The following KAZN variants were observed in gnomAD, a reference collection of about 807,000 sequenced individuals.
KAZN encodes the protein kazrin.
A neutral mutation model predicts 87.4 loss-of-function variants in KAZN; 40 were observed. That is an observed-to-expected ratio of 0.46 (90% CI 0.36 to 0.60). The LOEUF (loss-of-function observed/expected upper bound fraction) is 0.60, where lower values mean the gene tolerates loss of function less well. KAZN is among the 20% of genes least tolerant of loss of function. The pLI is 0.00. For synonymous variants in KAZN, 466 were observed against 458.3 expected (o/e 1.02, Z -0.22); for missense variants, 898 against 1,073.9 (o/e 0.84, Z 2.29).
At chr1:14,356,173 T>C (rs888897239) in intron 2 of KAZN, among the ~76,000 whole-genome samples, 5 of 152,248 alleles carry the variant, frequency 3.3e-5, no homozygotes, top group Non-Finnish European at 2.9e-5. Flanking sequence ...ATTTCTCTCA[T>C]GACCAGTGAT....
intron 2 of KAZN, among the ~76,000 whole-genome samples, chr1:14,587,279 T>C (rs1316019527): frequency 6.6e-6 from 1 of 151,534 alleles, no homozygotes; most frequent in Non-Finnish European, 1.5e-5. Context: ...CTACTAAAAA[T>C]ACAAAAATCA....
chr1:14,527,648 G>T (rs1671960347), intron 2 of KAZN, among the ~76,000 whole-genome samples: 1 of 152,208 alleles, frequency 6.6e-6, no homozygotes, highest in Admixed American at 6.5e-5. Flanking sequence ...CCTGGTGAGG[G>T]GCTCCAGCTG....
At chr1:13,967,663 GAGT>G (rs1338333421) in intron 1 of KAZN, among the ~76,000 whole-genome samples, 1 of 152,236 alleles carries the variant, frequency 6.6e-6, no homozygotes, top group African/African-American at 2.4e-5. Context: ...GGCTGTGACA[GAGT>G]AGGAGAAGTG....
At chr1:14,249,551 C>T (rs767120628) in intron 2 of KAZN, among the ~76,000 whole-genome samples, 31 of 152,158 alleles carry the variant, frequency 2.0e-4, no homozygotes, top group Non-Finnish European at 3.1e-4. Flanking sequence ...TGCTTTGCTC[C>T]GTGCTGTCTT....
At chr1:14,422,255 A>G (rs747235187) in intron 2 of KAZN, among the ~76,000 whole-genome samples, 12 of 152,244 alleles carry the variant, frequency 7.9e-5, no homozygotes, top group Non-Finnish European at 1.5e-4. Context: ...GCTTCAGAGA[A>G]CATCCGTGGG....
At chr1:14,952,240 C>CTGTGTGTG (rs56104480) in intron 1 of KAZN, among the ~76,000 whole-genome samples, 11,206 of 143,870 alleles carry the variant, frequency 0.078, 567 homozygotes, top group African/African-American at 0.14. Flanking sequence ...TTCTTTCCCA[C>CTGTGTGTG]TGTGTGTGTG....
chr1:15,065,973 C>G, intron 8 of KAZN: 1 of 1,367,622 alleles, frequency 7.3e-7, no homozygotes, highest in Non-Finnish European at 9.4e-7. Context: ...GAGTGTGAAC[C>G]TCTCTCCCCT....
intron 2 of KAZN, among the ~76,000 whole-genome samples, chr1:14,500,367 A>G (rs1329512460): frequency 6.6e-6 from 1 of 152,148 alleles, no homozygotes; most frequent in Non-Finnish European, 1.5e-5. Flanking sequence ...ACACCGACCT[A>G]AACTTTACTT....
At chr1:14,588,718 C>T (rs1395142492) in intron 2 of KAZN, among the ~76,000 whole-genome samples, 1 of 152,222 alleles carries the variant, frequency 6.6e-6, no homozygotes, top group African/African-American at 2.4e-5. Flanking sequence ...GGACAAGAAC[C>T]TGGATCTGTC....
intron 2 of KAZN, among the ~76,000 whole-genome samples, chr1:14,414,735 A>G (rs886744775): frequency 1.3e-5 from 2 of 152,160 alleles, no homozygotes; most frequent in African/African-American, 4.8e-5. Flanking sequence ...ATCAAGAAGG[A>G]ACACAGAGGC....
intron 8 of KAZN, among the ~76,000 whole-genome samples, chr1:15,073,145 G>C (rs893910302): frequency 1.3e-5 from 2 of 152,194 alleles, no homozygotes; most frequent in African/African-American, 4.8e-5. Context: ...ACGAGTCCAC[G>C]TGAAAGGTCC....
At chr1:14,819,505 G>A (rs1195616668) in intron 1 of KAZN, among the ~76,000 whole-genome samples, 4 of 151,948 alleles carry the variant, frequency 2.6e-5, no homozygotes, top group Admixed American at 2.0e-4. Flanking sequence ...AATAAAAACT[G>A]GTTTTCCCAA....
At chr1:14,452,600 A>G (rs894153004) in intron 2 of KAZN, among the ~76,000 whole-genome samples, 6 of 152,138 alleles carry the variant, frequency 3.9e-5, no homozygotes, top group African/African-American at 1.4e-4. Context: ...CAGGACCTTG[A>G]GTGGCAGGCA....
chr1:14,919,707 A>G (rs952494167), intron 1 of KAZN, among the ~76,000 whole-genome samples: 1 of 152,210 alleles, frequency 6.6e-6, no homozygotes, highest in African/African-American at 2.4e-5. Flanking sequence ...AGAAACATAA[A>G]AACATTTGGG....
chr1:14,957,239 A>G (rs991173317), intron 1 of KAZN, among the ~76,000 whole-genome samples: 2 of 152,178 alleles, frequency 1.3e-5, no homozygotes, highest in African/African-American at 2.4e-5. Flanking sequence ...TGCTGCCTCC[A>G]TGGCATATGA....
chr1:14,670,636 G>A (rs576784580), intron 1 of KAZN, among the ~76,000 whole-genome samples: 1 of 152,318 alleles, frequency 6.6e-6, no homozygotes, highest in Admixed American at 6.5e-5. Flanking sequence ...CCTTCCAAAT[G>A]AGCCCGATTC....
intron 1 of KAZN, among the ~76,000 whole-genome samples, chr1:13,986,101 G>A (rs563705520): frequency 2.4e-4 from 37 of 152,308 alleles, no homozygotes; most frequent in African/African-American, 8.7e-4. Context: ...GTTTTCCAAA[G>A]TGACTTTATC....
chr1:14,436,357 CTGGTGGTGG>C (rs59954862), intron 2 of KAZN, among the ~76,000 whole-genome samples: 1 of 151,856 alleles, frequency 6.6e-6, no homozygotes, highest in East Asian at 1.9e-4. Flanking sequence ...CATGGCAGTG[CTGGTGGTGG>C]TGGTGGTGGT....
chr1:14,420,850 G>A (rs138528174), intron 2 of KAZN, among the ~76,000 whole-genome samples: 2 of 149,444 alleles, frequency 1.3e-5, no homozygotes, highest in East Asian at 2.0e-4. Context: ...GCCTGGGAGC[G>A]CTGCGCACAG....
Sources: gnomAD v4.1 joint callset for allele counts (sites outside exome capture counted in the v4.1 genomes callset) on GRCh38, gnomAD v4.1.1 for gene constraint, MANE v1.5 for transcripts, NCBI Gene and HGNC (gene_info 2026-07-23, HGNC 2026-07-21) for gene names.